SGMS2: variants seen among roughly 807,000 people sequenced by gnomAD.
SGMS2 encodes phosphatidylcholine:ceramide cholinephosphotransferase 2.
In SGMS2, 21 loss-of-function variants were observed where a neutral mutation model predicts 43.8. The observed-to-expected ratio is 0.48, with a 90% CI of 0.34 to 0.69. The LOEUF is 0.69. Among genes scored for constraint, SGMS2 ranks in the 30% least tolerant of loss-of-function variants. The pLI is 0.01. For missense variants in SGMS2, 384 were observed against 443.2 expected (o/e 0.87, Z 1.20); for synonymous variants, 167 against 160.6 (o/e 1.04, Z -0.30).
At chr4:107,898,340 T>C (rs998772969) in intron 3 of SGMS2, among the ~76,000 whole-genome samples, 1 of 152,136 alleles carries the variant, frequency 6.6e-6, no homozygotes, top group Non-Finnish European at 1.5e-5. Context: ...TATATATTTA[T>C]ACATAATTCT....
intron 1 of SGMS2, among the ~76,000 whole-genome samples, chr4:107,839,387 T>A (rs1726378728): frequency 6.6e-6 from 1 of 152,104 alleles, no homozygotes; most frequent in African/African-American, 2.4e-5. Flanking sequence ...GGTTTTTTTT[T>A]TCCCTTCTCT....
intron 1 of SGMS2, among the ~76,000 whole-genome samples, chr4:107,851,580 C>T (rs1727148100): frequency 6.6e-6 from 1 of 152,192 alleles, no homozygotes; most frequent in Non-Finnish European, 1.5e-5. Flanking sequence ...GGTGTATATT[C>T]TACAGGATCC....
intron 2 of SGMS2, among the ~76,000 whole-genome samples, chr4:107,894,047 A>G (rs1005686120): frequency 2.0e-5 from 3 of 152,098 alleles, no homozygotes; most frequent in Non-Finnish European, 4.4e-5. Flanking sequence ...TGGTTTATCT[A>G]TTTGCCACCC....
intron 1 of SGMS2, among the ~76,000 whole-genome samples, chr4:107,849,840 C>G (rs1051542001): frequency 1.3e-5 from 2 of 152,166 alleles, no homozygotes; most frequent in African/African-American, 4.8e-5. Context: ...TACATTATTA[C>G]AATTTAGCCA....
intron 1 of SGMS2, among the ~76,000 whole-genome samples, chr4:107,835,998 C>G (rs1726148045): frequency 6.6e-6 from 1 of 151,966 alleles, no homozygotes. Flanking sequence ...TTACAAAAAG[C>G]AAAAAGAAAC....
chr4:107,910,707 C>T lies in SGMS2; in HGVS notation c.*154C>T. 1 of 663,378 alleles carries T rather than the reference C, an allele frequency of 1.5e-6. No individual in the cohort carries two copies. The highest frequency in any genetic ancestry group is 2.0e-5 in the South Asian group (1 of 48,836). 41.1% of individuals were successfully genotyped at this position (663,378 alleles called of 1,614,324 possible). On this transcript the variant is annotated 3_prime_UTR_variant, in exon 7 of 7. Transcript: ENST00000690982. ...TTAGAAAGATGAACAAAGTATTGCC[C>T]TTTGACTGGTTTTCTTCTTCATCCT...
chr4:107,872,537 T>C (rs2126060712), intron 2 of SGMS2, among the ~76,000 whole-genome samples: 1 of 152,186 alleles, frequency 6.6e-6, no homozygotes, highest in East Asian at 1.9e-4. Context: ...AAGCATAGTA[T>C]TGTGCACCTG....
At chr4:107,908,215 A>G (rs527344473) in intron 5 of SGMS2, 91 of 178,426 alleles carry the variant, frequency 5.1e-4, no homozygotes, top group South Asian at 2.1e-3. Flanking sequence ...CCAGTGGGAA[A>G]GTGGCTCCTT....
rs753098107 is a variant in SGMS2, at chr4:107,895,634, C to T, written c.81C>T (p.Pro27=). ...ATCCTACGAACACTTATGCAAGACC[C>T]GCTGAACCTGTTGAAGAAGAAAACA... ...PSDPTNTYAR[P]AEPVEEENKN... Residue 27 remains proline (P), a synonymous_variant, in exon 3 of 7, where the codon CCC becomes CCT. Transcript: ENST00000690982. The T allele has an allele frequency of 4.5e-5, 72 of 1,613,812 alleles. No individual in the cohort carries two copies. The highest frequency in any genetic ancestry group is 1.6e-4 in the Middle Eastern group (1 of 6,080).
At chr4:107,888,332 T>C (rs7658862) in intron 2 of SGMS2, among the ~76,000 whole-genome samples, 6,322 of 152,180 alleles carry the variant, frequency 0.042, 156 homozygotes, top group African/African-American at 0.049. Context: ...ATAACCTTAA[T>C]TTAAAAAAAA....
intron 1 of SGMS2, among the ~76,000 whole-genome samples, chr4:107,841,954 TA>T (rs201333483): frequency 1.3e-5 from 2 of 151,648 alleles, no homozygotes; most frequent in Non-Finnish European, 2.9e-5. Flanking sequence ...GCCTGACCTT[TA>T]AAAAAATTTT....
intron 2 of SGMS2, among the ~76,000 whole-genome samples, chr4:107,878,299 A>G (rs559989029): frequency 2.0e-5 from 3 of 152,238 alleles, no homozygotes; most frequent in South Asian, 2.1e-4. Context: ...TCCCTACCCT[A>G]CAGAACCTCT....
chr4:107,854,309 GA>G (rs1727305669), intron 1 of SGMS2, among the ~76,000 whole-genome samples: 1 of 152,214 alleles, frequency 6.6e-6, no homozygotes, highest in African/African-American at 2.4e-5. Context: ...GTCTTTTAAA[GA>G]AAAGTTATCT....
chr4:107,896,330 G>A (rs1477873335), intron 3 of SGMS2, among the ~76,000 whole-genome samples: 3 of 152,120 alleles, frequency 2.0e-5, no homozygotes, highest in Admixed American at 2.0e-4. Flanking sequence ...AAGAGGCTTG[G>A]AAAGGAATAA....
chr4:107,830,438 T>C (rs894776381), intron 1 of SGMS2, among the ~76,000 whole-genome samples: 21 of 152,192 alleles, frequency 1.4e-4, no homozygotes, highest in African/African-American at 4.8e-4. Flanking sequence ...TGTTCTAAGT[T>C]CTTTGAGAAA....
rs1243839252 is a variant in SGMS2, at chr4:107,899,656, A to C, written c.537A>C (p.Leu179=). 6.2e-7 allele frequency: 1 copy of C among 1,612,864 alleles called. No homozygotes were observed. Among genetic ancestry groups the C allele is most frequent in the Non-Finnish European group, 8.5e-7 (1 of 1,179,476 alleles). ...YRCITMYVTT[L]PVPGMHFQCA... The stretch of plus-strand genomic sequence containing the variant: ...GCATTACAATGTATGTTACTACTCT[A>C]CCTGTGCCTGGAATGCATTTCCAGT... The change falls in exon 4 of 7, where the codon CTA becomes CTC. Residue 179 remains leucine, a synonymous_variant. Coordinates refer to ENST00000690982, the MANE Select transcript of SGMS2 (RefSeq NM_001375905.1).
intron 2 of SGMS2, chr4:107,864,589 A>G (rs1727977228): frequency 1.3e-5 from 2 of 152,226 alleles, no homozygotes; most frequent in African/African-American, 4.8e-5. Context: ...CAACAGCTAT[A>G]GAGATTTCTT....
intron 4 of SGMS2, among the ~76,000 whole-genome samples, chr4:107,900,871 T>C (rs1184135984): frequency 1.3e-5 from 2 of 152,166 alleles, no homozygotes; most frequent in Non-Finnish European, 2.9e-5. Context: ...AAAATATCTG[T>C]AATTAAAACT....
At chr4:107,829,775 A>G (rs916047598) in intron 1 of SGMS2, among the ~76,000 whole-genome samples, 1 of 152,042 alleles carries the variant, frequency 6.6e-6, no homozygotes, top group Non-Finnish European at 1.5e-5. Flanking sequence ...GAGTCTTGCT[A>G]TGTTGCCCAG....
Sources: allele counts gnomAD v4.1 joint callset (sites outside exome capture counted in the v4.1 genomes callset), GRCh38; gene constraint gnomAD v4.1.1; transcripts MANE v1.5; gene names NCBI Gene and HGNC (gene_info 2026-07-23, HGNC 2026-07-21).